Variants in CALB1 observed in about 807,000 individuals in gnomAD.
The protein encoded by CALB1 is calbindin 1.
CALB1 carries 16 observed loss-of-function variants against 46.7 expected under a neutral mutation model. That is an observed-to-expected ratio of 0.34 (90% CI 0.23 to 0.52). CALB1 has a LOEUF of 0.52. CALB1 is among the 20% of genes least tolerant of loss of function. The pLI, the probability that CALB1 is intolerant of heterozygous loss-of-function variation, is 0.95. For missense variants in CALB1, 224 were observed against 300.3 expected, an observed-to-expected ratio of 0.75 and a Z score of 1.88; for synonymous variants, 90 against 112.8, an observed-to-expected ratio of 0.80 and a Z score of 1.28.
At chr8:90,076,941 A>G (rs1814632501) in intron 3 of CALB1, among the ~76,000 whole-genome samples, 1 of 152,006 alleles carries the variant, frequency 6.6e-6, no homozygotes, top group African/African-American at 2.4e-5. Flanking sequence ...AATTGAATAA[A>G]TAGCTGAGTC....
At chr8:90,081,343 G>T in intron 2 of CALB1, 1 of 256,460 alleles carries the variant, frequency 3.9e-6, no homozygotes, top group Non-Finnish European at 6.1e-6. Flanking sequence ...TGGGTTTCTT[G>T]CTTTCAACAG....
At chr8:90,074,016 A>ATT (rs77533201) in intron 3 of CALB1, among the ~76,000 whole-genome samples, 4 of 148,250 alleles carry the variant, frequency 2.7e-5, no homozygotes, top group Admixed American at 2.0e-4. Context: ...CCAAGCATTC[A>ATT]TTTTTTTTTT....
chr8:90,069,976 T>C (rs959486456), intron 3 of CALB1, among the ~76,000 whole-genome samples: 10 of 141,994 alleles, frequency 7.0e-5, no homozygotes, highest in African/African-American at 1.7e-4. Context: ...CCTCCTCTCT[T>C]TTTTTTTTTT....
chr8:90,076,048 G>A (rs919946661), intron 3 of CALB1, among the ~76,000 whole-genome samples: 1 of 151,990 alleles, frequency 6.6e-6, no homozygotes, highest in African/African-American at 2.4e-5. Flanking sequence ...GTCCCATCTA[G>A]CAAAAAGTTC....
chr8:90,079,609 C>T (rs944666172), intron 2 of CALB1, among the ~76,000 whole-genome samples: 2 of 151,930 alleles, frequency 1.3e-5, no homozygotes, highest in African/African-American at 4.8e-5. Context: ...AATACCACTA[C>T]TTTCACGAGC....
At chr8:90,068,233 C>T (rs758402350) in intron 5 of CALB1, among the ~76,000 whole-genome samples, 1 of 152,138 alleles carries the variant, frequency 6.6e-6, no homozygotes, top group Non-Finnish European at 1.5e-5. Flanking sequence ...TTATTACACT[C>T]ATTTTAAAGA....
chr8:90,064,445 A>C (rs976573388), intron 6 of CALB1: 8 of 151,832 alleles, frequency 5.3e-5, no homozygotes, highest in Admixed American at 5.3e-4. Flanking sequence ...ATATATTTAA[A>C]TTTTAATTAG....
chr8:90,082,168 C>G, intron 1 of CALB1, 66 bp from the exon 2 acceptor site: 3 of 1,391,028 alleles, frequency 2.2e-6, no homozygotes, highest in Non-Finnish European at 3.0e-6. Context: ...CGTTCACTTT[C>G]CAAGACAGTT....
In CALB1 at chr8:90,082,786, G is replaced by T. The variant is rs951311133; in HGVS notation, c.-89C>A. The T allele has an allele frequency of 7.7e-7, 1 of 1,297,790 alleles. No individual in the cohort carries two copies. Among genetic ancestry groups the T allele is most frequent in the Non-Finnish European group, 1.1e-6 (1 of 893,614 alleles). The allele number at this position is 1,297,790 out of a possible 1,614,324, so 80.4% of individuals were successfully genotyped here. ...GTGAGCAAAAGCTCAGCGTGTGCGC[G>T]AGTCAGGGCTGCGGAGGGAGACCTG... is the stretch of plus-strand genomic sequence containing the variant. On this transcript the variant is annotated 5_prime_UTR_variant, in exon 1 of 11. Transcript: ENST00000265431.
chr8:90,081,564 C>T (rs1390086601), intron 2 of CALB1: 2 of 564,732 alleles, frequency 3.5e-6, no homozygotes, highest in African/African-American at 4.1e-5. Context: ...CCTTATTTCT[C>T]ACACAGTAAA....
At chr8:90,061,550 C>T (rs1814297979) in intron 9 of CALB1, 1 of 151,876 alleles carries the variant, frequency 6.6e-6, no homozygotes, top group Non-Finnish European at 1.5e-5. Flanking sequence ...GCAAAATTAA[C>T]AATCAGAAAT....
chr8:90,067,515 G>A (rs1300329864), intron 5 of CALB1, among the ~76,000 whole-genome samples: 1 of 152,112 alleles, frequency 6.6e-6, no homozygotes, highest in Non-Finnish European at 1.5e-5. Flanking sequence ...GGATTGCTGA[G>A]CTGCAAGTTT....
intron 3 of CALB1, among the ~76,000 whole-genome samples, chr8:90,076,997 G>T (rs1333535839): frequency 1.3e-5 from 2 of 151,794 alleles, no homozygotes; most frequent in East Asian, 3.9e-4. Context: ...AAGGTGACAG[G>T]TTTTCCTTAA....
At chr8:90,070,440 T>C (rs1288444435) in intron 3 of CALB1, among the ~76,000 whole-genome samples, 2 of 152,194 alleles carry the variant, frequency 1.3e-5, no homozygotes, top group Non-Finnish European at 2.9e-5. Flanking sequence ...ATAACTTTTT[T>C]TAAAAAATTC....
In CALB1 at chr8:90,063,274, T is replaced by C; in HGVS notation, c.546+7A>G. The C allele has an allele frequency of 6.3e-7, 1 of 1,592,668 alleles. No individual in the cohort carries two copies. The highest frequency in any genetic ancestry group is 8.6e-7 in the Non-Finnish European group (1 of 1,162,094). ...AATATTATTTAAGGTAGTAAAAAGT[T>C]AAGTACCTGGAATTTAAGAAGAAAA... On this transcript the variant is annotated splice_region_variant and intron_variant, in intron 8 of 10. Coordinates refer to ENST00000265431, the MANE Select transcript of CALB1 (RefSeq NM_004929.4).
Position 90,082,595 on chromosome 8 carries a change from CA to C in CALB1, c.79+23del, listed in dbSNP as rs771226303. On this transcript the variant is annotated intron_variant, in intron 1 of 10. Coordinates refer to ENST00000265431, the MANE Select transcript of CALB1 (RefSeq NM_004929.4). Reference sequence around the variant, plus strand: ...AGGGGCATGGAAACGGGTCTTGAAACAGTTAAAAAGAGAAGATAATCACCGT... The same window carrying C: ...AGGGGCATGGAAACGGGTCTTGAAACGTTAAAAAGAGAAGATAATCACCGT... The C allele has an allele frequency of 3.2e-5, 51 of 1,600,664 alleles. No individual in the cohort carries two copies. The African/African-American group carries it at 6.2e-4, about 19-fold the overall frequency.
chr8:90,067,358 A>G (rs1442763377), intron 5 of CALB1, among the ~76,000 whole-genome samples: 1 of 152,202 alleles, frequency 6.6e-6, no homozygotes, highest in African/African-American at 2.4e-5. Context: ...AATAAAATTT[A>G]GAACAAAGAA....
chr8:90,081,481 G>C (rs1375986041), intron 2 of CALB1: 1 of 983,918 alleles, frequency 1.0e-6, no homozygotes, highest in African/African-American at 1.7e-5. Flanking sequence ...ATAATAATTG[G>C]TGATAGAGTA....
At chr8:90,081,968 G>T (rs1003542409) in intron 2 of CALB1, 58 bp downstream of exon 2, 2 of 1,440,996 alleles carry the variant, frequency 1.4e-6, no homozygotes, top group East Asian at 2.3e-5. Context: ...GAAAACACAA[G>T]AATGTTTTAA....
Sources: gnomAD v4.1 joint callset for allele counts (sites outside exome capture counted in the v4.1 genomes callset) on GRCh38, gnomAD v4.1.1 for gene constraint, MANE v1.5 for transcripts, NCBI Gene and HGNC (gene_info 2026-07-23, HGNC 2026-07-21) for gene names.